The following FITM2 variants were observed in gnomAD, a reference collection of about 807,000 sequenced individuals.
The protein encoded by FITM2 is fat storage inducing transmembrane protein 2.
In FITM2, 16 loss-of-function variants were observed where a neutral mutation model predicts 23.3. That is an observed-to-expected ratio of 0.69 (90% CI 0.47 to 1.05). FITM2 has a LOEUF of 1.05. FITM2 is among the 50% of genes least tolerant of loss of function. FITM2 has a pLI of 0.00. For missense variants in FITM2, 273 were observed against 327.5 expected, an observed-to-expected ratio of 0.83 and a Z score of 1.29; for synonymous variants, 132 against 142.0, an observed-to-expected ratio of 0.93 and a Z score of 0.50.
At position 44,303,135 on chromosome 20, in the gene FITM2, G is replaced by A. The variant is rs193034128; in HGVS notation, c.*3490C>T. 9.2e-5 allele frequency: 14 copies of A among 152,240 alleles called. No individual in the cohort carries two copies. The highest frequency in any genetic ancestry group is 8.5e-4 in the Admixed American group (13 of 15,288). 9.4% of individuals were successfully genotyped at this position (152,240 alleles called of 1,614,324 possible). On this transcript the variant is annotated 3_prime_UTR_variant, in exon 2 of 2. Coordinates refer to ENST00000396825, the MANE Select transcript of FITM2 (RefSeq NM_001080472.4). ...TCCAAATGGCACCCAAAATATATTC[G>A]TTTCTCTGCCTTCTCTAGAGGAGTC... is the stretch of plus-strand genomic sequence containing the variant.
Position 44,311,005 on chromosome 20 carries a change from G to A in FITM2, c.144C>T (p.Tyr48=), listed in dbSNP as rs925930292. 9.6e-6 allele frequency: 15 copies of A among 1,564,750 alleles called. No homozygotes were observed. The highest frequency in any genetic ancestry group is 1.9e-5 in the Admixed American group (1 of 52,634). Residue 48 remains tyrosine (Y), a synonymous_variant, in exon 1 of 2, where the codon TAC becomes TAT. Transcript: ENST00000396825. ...LKELSPLPES[Y]LSNKRNVLNV... The stretch of plus-strand genomic sequence containing the variant: ...TGAGGACGTTGCGCTTGTTGCTGAG[G>A]TAGCTCTCGGGCAACGGGGACAACT...
At position 44,307,026 on chromosome 20, in the gene FITM2, C is replaced by A. The variant is rs148184889; in HGVS notation, c.388G>T (p.Val130Phe). 309 of 1,614,214 alleles carry A rather than the reference C, an allele frequency of 1.9e-4. No homozygotes were observed. Among genetic ancestry groups the A allele is most frequent in the Non-Finnish European group, 2.4e-4 (288 of 1,180,050 alleles). Residue 130 changes from valine (V) to phenylalanine (F), a missense_variant, in exon 2 of 2, where the codon GTC becomes TTC. This residue lies in a region of FITM2 where 117 missense variants were observed against 183.3 expected (regional missense o/e 0.64). Coordinates refer to ENST00000396825, the MANE Select transcript of FITM2 (RefSeq NM_001080472.4). ...TGCTTGCTCTGGTGTTCCTTTCTGA[C>A]CCCCTCCAGGGCTGGGGACTGGTAG... ...SCYQSPALEG[V>F]RKEHQSKQQC...
rs776763599 is a variant in FITM2, at chr20:44,304,140, T to C, written c.*2485A>G. ...AATTAACCTCCAACTTGATGGGATA[T>C]GAAATATTTAAAATATATCCTTATA... is the stretch of plus-strand genomic sequence containing the variant. On this transcript the variant is annotated 3_prime_UTR_variant, in exon 2 of 2. Transcript: ENST00000396825. The C allele has an allele frequency of 6.6e-6, 1 of 152,220 alleles. No homozygotes were observed. The highest frequency in any genetic ancestry group is 1.5e-5 in the Non-Finnish European group (1 of 68,044). The allele number at this position is 152,220 out of a possible 1,614,324, so 9.4% of individuals were successfully genotyped here.
rs1299060246 is a variant in FITM2 at position 44,306,682 on chromosome 20, T to G, written c.732A>C (p.Pro244=). ...YGFWYPKAFS[P]GLPPQSCSLN... ...AACTACAGCTCTGGGGAGGAAGTCC[T>G]GGGGAAAAGGCTTTCGGATACCAAA... Residue 244 remains proline, a synonymous_variant, in exon 2 of 2, where the codon CCA becomes CCC. Transcript: ENST00000396825. 1.2e-5 allele frequency: 20 copies of G among 1,614,102 alleles called. No homozygotes were observed. The highest frequency in any genetic ancestry group is 1.6e-5 in the Non-Finnish European group (19 of 1,180,058).
At position 44,304,135 on chromosome 20, in the gene FITM2, G is replaced by A. The variant is rs1695750050; in HGVS notation, c.*2490C>T. On this transcript the variant is annotated 3_prime_UTR_variant, in exon 2 of 2. Coordinates refer to ENST00000396825, the MANE Select transcript of FITM2 (RefSeq NM_001080472.4). Reference sequence around the variant, plus strand: ...GATAAAATTAACCTCCAACTTGATGGGATATGAAATATTTAAAATATATCC... The same window carrying A: ...GATAAAATTAACCTCCAACTTGATGAGATATGAAATATTTAAAATATATCC... 6.6e-6 allele frequency: 1 copy of A among 152,036 alleles called. No homozygotes were observed. Among genetic ancestry groups the A allele is most frequent in the Admixed American group, 6.6e-5 (1 of 15,246 alleles). The allele number at this position is 152,036 out of a possible 1,614,324, so 9.4% of individuals were successfully genotyped here.
chr20:44,307,102 C>T lies in FITM2; in HGVS notation c.312G>A (p.Trp104Ter), dbSNP rs1226642843. ...TGGAGAAGATGGAGGTGCAGATGTA[C>T]CAGATGGCCGTGCCCACAAGCAGGG... ...LSTLLVGTAI[W>*]YICTSIFSNI... The change falls in exon 2 of 2, where the codon TGG becomes TGA. Residue 104 changes from tryptophan (W) to a stop codon, truncating the protein, a stop_gained. Coordinates refer to ENST00000396825, the MANE Select transcript of FITM2 (RefSeq NM_001080472.4). LOFTEE classifies it high-confidence loss of function. 3 of 1,614,194 alleles carry T rather than the reference C, an allele frequency of 1.9e-6. No homozygotes were observed. Among genetic ancestry groups the T allele is most frequent in the Non-Finnish European group, 2.5e-6 (3 of 1,180,034 alleles).
At position 44,310,977 on chromosome 20, in the gene FITM2, C is replaced by G. The variant is rs1364455973; in HGVS notation, c.172G>C (p.Val58Leu). 3.2e-6 allele frequency: 5 copies of G among 1,550,156 alleles called. No homozygotes were observed. Among genetic ancestry groups the G allele is most frequent in the Non-Finnish European group, 4.4e-6 (5 of 1,146,872 alleles). ...AGCGGAGGACCGGGGTGCACTCACA[C>G]GTTGAGGACGTTGCGCTTGTTGCTG... The part of the protein sequence containing the change: ...YLSNKRNVLN[V>L]YFVKVAWAWT... Residue 58 changes from valine to leucine, a missense_variant and splice_region_variant, in exon 1 of 2, where the codon GTG becomes CTG. By Grantham distance (32) the Val-to-Leu change is conservative (BLOSUM62 1). Around this residue, in one of 3 missense-constraint regions of FITM2, gnomAD observed 123 missense variants for 117.9 expected, o/e 1.04. Transcript: ENST00000396825.
intron 1 of FITM2, among the ~76,000 whole-genome samples, chr20:44,310,166 C>A (rs1477599675): frequency 6.6e-6 from 1 of 152,228 alleles, no homozygotes; most frequent in Non-Finnish European, 1.5e-5. Context: ...GCCAGAGACA[C>A]TTATTCTGGA....
rs1436139638 is a variant in FITM2, at chr20:44,306,183, GC to G, written c.*441del. 1.1e-5 allele frequency: 2 copies of G among 187,338 alleles called. No homozygotes were observed. The highest frequency in any genetic ancestry group is 4.7e-5 in the African/African-American group (2 of 42,326). 11.6% of individuals were successfully genotyped at this position (187,338 alleles called of 1,614,324 possible). On this transcript the variant is annotated 3_prime_UTR_variant, in exon 2 of 2. Coordinates refer to ENST00000396825, the MANE Select transcript of FITM2 (RefSeq NM_001080472.4). Reference sequence around the variant, plus strand: ...AGGGATTAGAGGTGTGAACCACCATGCCTGGCTGGAAAATACTGTTAAGTAA... The same window carrying G: ...AGGGATTAGAGGTGTGAACCACCATGCTGGCTGGAAAATACTGTTAAGTAA...
rs773501467 is a variant in FITM2, at chr20:44,306,949, G to C, written c.465C>G (p.His155Gln). ...GFWHGFDISG[H>Q]SFLLTFCALM... ...GGGCGCAGAAGGTCAGCAGGAAGGA[G>C]TGACCTGAGATGTCAAAGCCATGCC... Residue 155 changes from histidine (H) to glutamine (Q), a missense_variant, in exon 2 of 2, where the codon CAC becomes CAG. Physicochemically the swap from His to Gln is conservative, Grantham distance 24 (BLOSUM62 0). Coordinates refer to ENST00000396825, the MANE Select transcript of FITM2 (RefSeq NM_001080472.4). 9 of 1,614,114 alleles carry C rather than the reference G, an allele frequency of 5.6e-6. No individual in the cohort carries two copies. Among genetic ancestry groups the C allele is most frequent in the Admixed American group, 1.7e-5 (1 of 59,998 alleles).
In FITM2 at chr20:44,303,986, G is replaced by C. The variant is rs1600584488; in HGVS notation, c.*2639C>G. On this transcript the variant is annotated 3_prime_UTR_variant, in exon 2 of 2. Coordinates refer to ENST00000396825, the MANE Select transcript of FITM2 (RefSeq NM_001080472.4). ...ATGGCCACTCCCACCACTGGTTTAT[G>C]GGCATAGGCAACAGAGGGTCACATC... The C allele has an allele frequency of 6.6e-6, 1 of 152,096 alleles. No individual in the cohort carries two copies. Among genetic ancestry groups the C allele is most frequent in the African/African-American group, 2.4e-5 (1 of 41,396 alleles). 9.4% of individuals were successfully genotyped at this position (152,096 alleles called of 1,614,324 possible).
In FITM2 at chr20:44,311,144, T is replaced by G; in HGVS notation, c.5A>C (p.Glu2Ala). Reference protein sequence around the residue: MEHLERCEWLLR... With the variant: MAHLERCEWLLR... ...CAACCACTCGCAGCGCTCCAGATGCTCCATGCCGGATCTCGTCAGCCACCG... is the reference window on the plus strand; with the variant it reads ...CAACCACTCGCAGCGCTCCAGATGCGCCATGCCGGATCTCGTCAGCCACCG... Residue 2 changes from glutamate (E) to alanine (A), a missense_variant, in exon 1 of 2, where the codon GAG becomes GCG. Coordinates refer to ENST00000396825, the MANE Select transcript of FITM2 (RefSeq NM_001080472.4). The G allele has an allele frequency of 1.9e-6, 3 of 1,611,088 alleles. No individual in the cohort carries two copies. Among genetic ancestry groups the G allele is most frequent in the Non-Finnish European group, 2.5e-6 (3 of 1,178,372 alleles).
At chr20:44,310,197 AG>A (rs924542158) in intron 1 of FITM2, among the ~76,000 whole-genome samples, 14 of 152,262 alleles carry the variant, frequency 9.2e-5, no homozygotes, top group African/African-American at 3.4e-4. Flanking sequence ...GCTCACATCA[AG>A]GGAGCAGTTT....
intron 1 of FITM2, among the ~76,000 whole-genome samples, chr20:44,309,634 T>C (rs2062699764): frequency 6.6e-6 from 1 of 152,220 alleles, no homozygotes; most frequent in Non-Finnish European, 1.5e-5. Context: ...TCTTCAGCTA[T>C]CAAACAGAGC....
In FITM2 at chr20:44,303,276, T is replaced by TG. The variant is rs2062681699; in HGVS notation, c.*3348dup. ...CTCTTCATCTCCACCTGACAGACGA[T>TG]GAAAACGAGGTTTGCCATGATCACA... is the stretch of plus-strand genomic sequence containing the variant. On this transcript the variant is annotated 3_prime_UTR_variant, in exon 2 of 2. Coordinates refer to ENST00000396825, the MANE Select transcript of FITM2 (RefSeq NM_001080472.4). 6.6e-6 allele frequency: 1 copy of TG among 152,156 alleles called. No homozygotes were observed. The highest frequency in any genetic ancestry group is 2.4e-5 in the African/African-American group (1 of 41,442). The allele number at this position is 152,156 out of a possible 1,614,324, so 9.4% of individuals were successfully genotyped here. A position where few individuals can be genotyped will look rare whatever the true frequency, so the allele number is the denominator to read the frequency against.
chr20:44,306,941 A>T lies in FITM2; in HGVS notation c.473T>A (p.Leu158Gln), dbSNP rs761598133. The T allele has an allele frequency of 1.2e-6, 2 of 1,614,098 alleles. No individual in the cohort carries two copies. The highest frequency in any genetic ancestry group is 2.7e-5 in the African/African-American group (2 of 74,936). Residue 158 changes from leucine to glutamine, a missense_variant, in exon 2 of 2, where the codon CTG becomes CAG. Leu to Gln is a moderately radical substitution (Grantham distance 113). Transcript: ENST00000396825. ...HGFDISGHSFLLTFCALMIVE... is the reference protein window; with the variant it reads ...HGFDISGHSFQLTFCALMIVE... ...AATCATGAGGGCGCAGAAGGTCAGC[A>T]GGAAGGAGTGACCTGAGATGTCAAA...
chr20:44,310,148 C>T (rs1451164935), intron 1 of FITM2, among the ~76,000 whole-genome samples: 1 of 152,210 alleles, frequency 6.6e-6, no homozygotes, highest in African/African-American at 2.4e-5. Flanking sequence ...GGCTGACTTT[C>T]AGGACACGCC....
rs1600585279 is a variant in FITM2 at position 44,305,938 on chromosome 20, C to G, written c.*687G>C. 6.6e-6 allele frequency: 1 copy of G among 152,466 alleles called. No individual in the cohort carries two copies. The highest frequency in any genetic ancestry group is 1.9e-4 in the East Asian group (1 of 5,134). 9.4% of individuals were successfully genotyped at this position (152,466 alleles called of 1,614,324 possible). On this transcript the variant is annotated 3_prime_UTR_variant, in exon 2 of 2. Coordinates refer to ENST00000396825, the MANE Select transcript of FITM2 (RefSeq NM_001080472.4). Reference sequence around the variant, plus strand: ...GGTGGAGTCTGCTCTGTCACCCAGGCTGGAGTGCAGTGGTGCGATCTCAGC... The same window carrying G: ...GGTGGAGTCTGCTCTGTCACCCAGGGTGGAGTGCAGTGGTGCGATCTCAGC...
Position 44,311,070 on chromosome 20 carries a change from C to A in FITM2, c.79G>T (p.Ala27Ser). ...RAAVRRYLPW[A>S]LVASMLAGSL... ...CCCGCCAGCATGGAGGCCACCAGGG[C>A]CCAGGGCAGGTAGCGCCGCACGGCC... Residue 27 changes from alanine to serine, a missense_variant, in exon 1 of 2, where the codon GCC becomes TCC. Around this residue, in one of 3 missense-constraint regions of FITM2, gnomAD observed 123 missense variants for 117.9 expected, o/e 1.04. Coordinates refer to ENST00000396825, the MANE Select transcript of FITM2 (RefSeq NM_001080472.4). 6.2e-7 allele frequency: 1 copy of A among 1,611,802 alleles called. No homozygotes were observed. The highest frequency in any genetic ancestry group is 8.5e-7 in the Non-Finnish European group (1 of 1,179,234).
Sources: gnomAD v4.1 joint callset for allele counts (sites outside exome capture counted in the v4.1 genomes callset) on GRCh38, gnomAD v4.1.1 for gene constraint, gnomAD v4.1.1 regional missense constraint, MANE v1.5 for transcripts, NCBI Gene and HGNC (gene_info 2026-07-23, HGNC 2026-07-21) for gene names.